The following FARS2 variants were observed in gnomAD, a reference collection of about 807,000 sequenced individuals.
The protein encoded by FARS2 is phenylalanyl-tRNA synthetase 2, mitochondrial, also known as phenylalanine--tRNA ligase, mitochondrial.
In FARS2, 40 loss-of-function variants were observed where a neutral mutation model predicts 46.4. The observed-to-expected ratio is 0.86, with a 90% CI of 0.67 to 1.12. The LOEUF is 1.12. Ranked by LOEUF, FARS2 falls within the 50% of genes most tolerant of loss-of-function variation. The pLI is 0.00. For synonymous variants in FARS2, 234 were observed against 214.9 expected, an observed-to-expected ratio of 1.09 and a Z score of -0.78; for missense variants, 513 against 567.9, an observed-to-expected ratio of 0.90 and a Z score of 0.98.
chr6:5,688,826 G>T (rs192046850), intron 6 of FARS2, among the ~76,000 whole-genome samples: 15 of 152,230 alleles, frequency 9.9e-5, no homozygotes, highest in Admixed American at 9.2e-4. Context: ...GAATCCATCT[G>T]GTCCTGGACT....
chr6:5,763,434 G>A (rs551386062), intron 6 of FARS2, among the ~76,000 whole-genome samples: 1 of 152,220 alleles, frequency 6.6e-6, no homozygotes, highest in East Asian at 1.9e-4. Flanking sequence ...CTCCAGCCTG[G>A]GTGACAGAGC....
intron 1 of FARS2, among the ~76,000 whole-genome samples, chr6:5,283,481 G>T (rs1766893030): frequency 6.6e-6 from 1 of 150,728 alleles, no homozygotes; most frequent in African/African-American, 2.5e-5. Flanking sequence ...CCCAGGAGGT[G>T]GAAGCTGCAG....
In FARS2 at chr6:5,653,885, A is replaced by G. The variant is rs565631773; in HGVS notation, c.1217+40565A>G. On this transcript the variant is annotated intron_variant, in intron 6 of 6. Coordinates refer to ENST00000274680, the MANE Select transcript of FARS2 (RefSeq NM_006567.5). Reference sequence around the variant, plus strand: ...AGTGCGGGGAAGAGGATAGTGGAGAAGGGCAGGCTGCCTTTCCCTGCTCTG... The same window carrying G: ...AGTGCGGGGAAGAGGATAGTGGAGAGGGGCAGGCTGCCTTTCCCTGCTCTG... Among the ~76,000 whole-genome samples, 16 of 152,304 alleles carry G rather than the reference A, an allele frequency of 1.1e-4. No homozygotes were observed. The South Asian group carries it at 3.1e-3, about 30-fold the overall frequency.
In FARS2 at chr6:5,632,232, G is replaced by A. The variant is rs574847949; in HGVS notation, c.1217+18912G>A. On this transcript the variant is annotated intron_variant, in intron 6 of 6. Coordinates refer to ENST00000274680, the MANE Select transcript of FARS2 (RefSeq NM_006567.5). ...ATTATAGGAGGAGAATCTCTTCACA[G>A]GCGAGACGTGCTCTACAGGCGTTTC... 3.3e-5 allele frequency among the ~76,000 whole-genome samples: 5 copies of A among 152,278 alleles called. No individual in the cohort carries two copies. In the East Asian group the frequency reaches 9.6e-4, roughly 29 times the overall value.
In FARS2 at chr6:5,369,141, T is replaced by C; in HGVS notation, c.571T>C (p.Phe191Leu). Residue 191 changes from phenylalanine (F) to leucine (L), a missense_variant, in exon 2 of 7, where the codon TTC (phenylalanine) becomes CTC (leucine). Transcript: ENST00000274680. ...GATCGACTCCCAGCACTACCCTATT[T>C]TCCACCAGCTGGAGGCCGTGCGGCT... ...DQIDSQHYPI[F>L]HQLEAVRLFS... 1 of 1,611,666 alleles carries C rather than the reference T, an allele frequency of 6.2e-7. No individual in the cohort carries two copies.
intron 4 of FARS2, among the ~76,000 whole-genome samples, chr6:5,534,621 A>C (rs1770071594): frequency 6.6e-6 from 1 of 152,302 alleles, no homozygotes; most frequent in Middle Eastern, 3.4e-3. Context: ...ATAATATTCC[A>C]TTGTGTGTAA....
intron 4 of FARS2, among the ~76,000 whole-genome samples, chr6:5,536,237 A>G (rs1249738348): frequency 1.3e-5 from 2 of 151,992 alleles, no homozygotes; most frequent in African/African-American, 2.4e-5. Context: ...TTTAGTAGAG[A>G]TGGAGTTTCA....
intron 1 of FARS2, among the ~76,000 whole-genome samples, chr6:5,358,724 T>A (rs1758097716): frequency 1.3e-5 from 2 of 152,216 alleles, no homozygotes; most frequent in South Asian, 2.1e-4. Context: ...TTTTGCAGTG[T>A]CTTTGGTCTG....
intron 6 of FARS2, among the ~76,000 whole-genome samples, chr6:5,655,805 T>A (rs1777580157): frequency 6.6e-6 from 1 of 152,246 alleles, no homozygotes. Context: ...ATCATTCTTT[T>A]ACCTACCACA....
At chr6:5,678,674 A>T (rs369915796) in intron 6 of FARS2, among the ~76,000 whole-genome samples, 2 of 152,270 alleles carry the variant, frequency 1.3e-5, no homozygotes, top group South Asian at 2.1e-4. Context: ...AGCTTCAAAC[A>T]TGTCTCATTC....
intron 1 of FARS2, among the ~76,000 whole-genome samples, chr6:5,276,413 T>G (rs1464104073): frequency 3.9e-5 from 6 of 152,146 alleles, no homozygotes; most frequent in African/African-American, 1.4e-4. Context: ...ACACTTGAGA[T>G]CAGTGAAAGT....
chr6:5,516,808 T>TA (rs1768825006), intron 4 of FARS2, among the ~76,000 whole-genome samples: 1 of 152,244 alleles, frequency 6.6e-6, no homozygotes, highest in Admixed American at 6.5e-5. Flanking sequence ...ATAATATGTT[T>TA]ACTCAGGAAC....
At chr6:5,678,732 A>G (rs888294844) in intron 6 of FARS2, among the ~76,000 whole-genome samples, 5 of 152,196 alleles carry the variant, frequency 3.3e-5, no homozygotes, top group African/African-American at 1.2e-4. Flanking sequence ...GCTGAGTGGT[A>G]TGGAAGCTAG....
upstream of FARS2, among the ~76,000 whole-genome samples, chr6:5,260,382 G>A (rs1409228627): frequency 1.3e-5 from 2 of 152,196 alleles, no homozygotes; most frequent in Non-Finnish European, 2.9e-5. Flanking sequence ...CATGCTCCTA[G>A]AATAACTACC....
chr6:5,369,066 G>A lies in FARS2; in HGVS notation c.496G>A (p.Ala166Thr), dbSNP rs764932724. Residue 166 changes from alanine to threonine, a missense_variant, in exon 2 of 7, where the codon GCG (alanine) becomes ACG (threonine). By Grantham distance (58) the Ala-to-Thr change is moderately conservative. Transcript: ENST00000274680. ...TSAHQWDLLHAGLDAFLVVGD... is the reference protein window; with the variant it reads ...TSAHQWDLLHTGLDAFLVVGD... ...TGCACACCAGTGGGACTTGCTGCACGCGGGACTGGATGCCTTCCTGGTGGT... is the reference window on the plus strand; with the variant it reads ...TGCACACCAGTGGGACTTGCTGCACACGGGACTGGATGCCTTCCTGGTGGT... 1.1e-5 allele frequency: 18 copies of A among 1,614,038 alleles called. No individual in the cohort carries two copies. In the Middle Eastern group the frequency reaches 4.9e-4, roughly 44 times the overall value.
chr6:5,540,848 A>G (rs1033956315), intron 4 of FARS2, among the ~76,000 whole-genome samples: 1 of 152,230 alleles, frequency 6.6e-6, no homozygotes, highest in Non-Finnish European at 1.5e-5. Flanking sequence ...TTAGAGGACC[A>G]TGACAGGTTA....
At chr6:5,526,041 CAAT>C (rs1246563693) in intron 4 of FARS2, among the ~76,000 whole-genome samples, 2 of 152,134 alleles carry the variant, frequency 1.3e-5, no homozygotes, top group East Asian at 1.9e-4. Flanking sequence ...AGTATCTATC[CAAT>C]AAGATTCAAT....
intron 5 of FARS2, among the ~76,000 whole-genome samples, chr6:5,572,699 C>T (rs1326071499): frequency 6.6e-6 from 1 of 152,040 alleles, no homozygotes; most frequent in Non-Finnish European, 1.5e-5. Flanking sequence ...TTCTCTTCTC[C>T]ACTTCTGATT....
In FARS2 at chr6:5,286,733, A is replaced by G. The variant is rs1048143129; in HGVS notation, c.-22+25073A>G. ...TATGGGTACCAAATACATTAATACC[A>G]TATAATTATGTATATAGAACATGCA... On this transcript the variant is annotated intron_variant, in intron 1 of 6. Transcript: ENST00000274680. Among the ~76,000 whole-genome samples, 91 of 152,256 alleles carry G rather than the reference A, an allele frequency of 6.0e-4. 1 individual carries two copies. The highest frequency in any genetic ancestry group is 3.2e-3 in the Middle Eastern group (1 of 316).
Sources: gnomAD v4.1 joint callset for allele counts (sites outside exome capture counted in the v4.1 genomes callset) on GRCh38, gnomAD v4.1.1 for gene constraint, MANE v1.5 for transcripts, NCBI Gene and HGNC (gene_info 2026-07-23, HGNC 2026-07-21) for gene names.